Variants in PKHD1L1 observed in about 807,000 individuals in gnomAD.
The protein encoded by PKHD1L1 is fibrocystin-L.
Under a neutral mutation model 462.9 loss-of-function variants are expected in PKHD1L1, and 434 were observed. That is an observed-to-expected ratio of 0.94 (90% CI 0.87 to 1.02). PKHD1L1 has a LOEUF of 1.02. Ranked by LOEUF, PKHD1L1 falls within the 50% of genes least tolerant of loss-of-function variation. The probability of loss-of-function intolerance (pLI) is 0.00; values close to 1 mark genes in which losing one functional copy is unlikely to be tolerated. For synonymous variants in PKHD1L1, 1,781 were observed against 1,750.0 expected (o/e 1.02, Z -0.44); for missense variants, 5,202 against 5,096.1 (o/e 1.02, Z -0.63).
At position 109,443,680 on chromosome 8, in the gene PKHD1L1, A is replaced by G; in HGVS notation, c.4569A>G (p.Gly1523=). ...GRSEATYAYG[G]PENLHLGSSV... ...GGGCAGTTCTTTTGTCTAAAGGAGG[A>G]CCTGAGAATTTGCACTTGGGAAGCT... Residue 1523 remains glycine (G), a synonymous_variant, in exon 37 of 78, where the codon GGA becomes GGG. Transcript: ENST00000378402. The G allele has an allele frequency of 1.9e-6, 3 of 1,610,202 alleles. No homozygotes were observed. Among genetic ancestry groups the G allele is most frequent in the African/African-American group, 1.3e-5 (1 of 74,810 alleles).
chr8:109,413,425 G>A lies in PKHD1L1; in HGVS notation c.2240G>A (p.Cys747Tyr). The A allele has an allele frequency of 6.6e-7, 1 of 1,523,772 alleles. No individual in the cohort carries two copies. 94.4% of individuals were successfully genotyped at this position (1,523,772 alleles called of 1,614,324 possible). The part of the protein sequence containing the change: ...DILLFPYNQL[C>Y]LAYKGFLANY... ...GTTTTTCATATTTTTATGTAGTTAT[G>A]TTTAGCATACAAAGGATTCCTGGCA... The change falls in exon 21 of 78, where the codon TGT becomes TAT. Residue 747 changes from cysteine (C) to tyrosine (Y), a missense_variant. By Grantham distance (194) the Cys-to-Tyr change is radical. Coordinates refer to ENST00000378402, the MANE Select transcript of PKHD1L1 (RefSeq NM_177531.6).
chr8:109,522,774 T>C lies in PKHD1L1; in HGVS notation c.12214T>C (p.Phe4072Leu). The C allele has an allele frequency of 6.2e-7, 1 of 1,611,890 alleles. No homozygotes were observed. The highest frequency in any genetic ancestry group is 8.5e-7 in the Non-Finnish European group (1 of 1,179,438). The change falls in exon 75 of 78, where the codon TTT becomes CTT. Residue 4072 changes from phenylalanine (F) to leucine (L), a missense_variant. Coordinates refer to ENST00000378402, the MANE Select transcript of PKHD1L1 (RefSeq NM_177531.6). Reference sequence around the variant, plus strand: ...TGCCCAGCCAGTTGAAAGGTCTGCATTTCCTGTTCATCACGTGGCCTTCGT... The same window carrying C: ...TGCCCAGCCAGTTGAAAGGTCTGCACTTCCTGTTCATCACGTGGCCTTCGT... ...VTAQPVERSA[F>L]PVHHVAFVSS...
chr8:109,525,870 T>C (rs1328707316), intron 76 of PKHD1L1, among the ~76,000 whole-genome samples: 2 of 152,180 alleles, frequency 1.3e-5, no homozygotes, highest in African/African-American at 2.4e-5. Flanking sequence ...ATTGCAATTG[T>C]TCATGAAACC....
intron 55 of PKHD1L1, 63 bp downstream of exon 55, chr8:109,480,202 CAAAT>C (rs1586596714): frequency 6.9e-7 from 1 of 1,459,250 alleles, no homozygotes; most frequent in South Asian, 1.4e-5. Context: ...TGTATTTACT[CAAAT>C]AATAAGAAAG....
intron 19 of PKHD1L1, among the ~76,000 whole-genome samples, chr8:109,410,244 A>T (rs1813766894): frequency 6.6e-6 from 1 of 152,188 alleles, no homozygotes; most frequent in Non-Finnish European, 1.5e-5. Flanking sequence ...TAAGATTTGC[A>T]GTGTTTTTGT....
chr8:109,532,237 GCC>G lies in PKHD1L1; in HGVS notation c.*2148_*2149del, dbSNP rs1365076537. ...AGGAATTTCTAAAAATTGCTTCTTA[GCC>G]ACACAGACTTTGTTAAAAAGTTCCT... is the stretch of plus-strand genomic sequence containing the variant. On this transcript the variant is annotated 3_prime_UTR_variant, in exon 78 of 78. Transcript: ENST00000378402. 1.6e-5 allele frequency among the ~76,000 whole-genome samples: 1 copy of G among 61,204 alleles called. No homozygotes were observed. The highest frequency in any genetic ancestry group is 3.6e-4 in the East Asian group (1 of 2,804). The allele number at this position is 61,204 out of a possible 152,430, so 40.2% of individuals were successfully genotyped here.
chr8:109,400,584 T>C lies in PKHD1L1; in HGVS notation c.1281+240T>C, dbSNP rs144570083. Among the ~76,000 whole-genome samples, 984 of 145,342 alleles carry C rather than the reference T, an allele frequency of 6.8e-3. 7 individuals carry two copies. The highest frequency in any genetic ancestry group is 0.051 in the Middle Eastern group (15 of 292). ...TTTCATTATTCTACATTAACTTGGT[T>C]ATGAGATAAAATTCATCTCTCTATT... On this transcript the variant is annotated intron_variant, in intron 13 of 77. Coordinates refer to ENST00000378402, the MANE Select transcript of PKHD1L1 (RefSeq NM_177531.6).
chr8:109,371,670 TTAA>T (rs1811518104), intron 2 of PKHD1L1, among the ~76,000 whole-genome samples: 1 of 101,974 alleles, frequency 9.8e-6, no homozygotes, highest in Non-Finnish European at 2.1e-5. Context: ...CCATCTTGAA[TTAA>T]TTTTTGATAA....
rs71303459 is a variant in PKHD1L1, at chr8:109,410,726, C to CTTTTTTTTTTTTTTTTTTTTTTTTT, written c.2085+769_2085+770insTTTTTTTTTTTTTTTTTTTTTTTTT. Among the ~76,000 whole-genome samples, 44 of 68,390 alleles carry CTTTTTTTTTTTTTTTTTTTTTTTTT rather than the reference C, an allele frequency of 6.4e-4. 6 individuals carry two copies. The highest frequency in any genetic ancestry group is 2.9e-3 in the African/African-American group (36 of 12,266). The allele number at this position is 68,390 out of a possible 152,430, so 44.9% of individuals were successfully genotyped here. A position where few individuals can be genotyped will look rare whatever the true frequency, so the allele number is the denominator to read the frequency against. On this transcript the variant is annotated intron_variant, in intron 19 of 77. Transcript: ENST00000378402. ...TTCTTTTTTCTTTTCTTTTCTTTTT[C>CTTTTTTTTTTTTTTTTTTTTTTTTT]TTTTTTTTTTTTTTTTTTTTTGAGA...
intron 11 of PKHD1L1, among the ~76,000 whole-genome samples, 153 bp downstream of exon 11, chr8:109,396,290 G>A (rs961224347): frequency 1.3e-5 from 2 of 152,234 alleles, no homozygotes; most frequent in Admixed American, 1.3e-4. Context: ...GGGATTTGAT[G>A]CTCTTTCCAT....
At chr8:109,494,010 T>C (rs1818962571) in intron 63 of PKHD1L1, among the ~76,000 whole-genome samples, 1 of 151,882 alleles carries the variant, frequency 6.6e-6, no homozygotes, top group East Asian at 1.9e-4. Context: ...TTGGTTGGTA[T>C]TGGGACAGTA....
In PKHD1L1 at chr8:109,427,002, G is replaced by T. The variant is rs1040567224; in HGVS notation, c.2846G>T (p.Gly949Val). The T allele has an allele frequency of 4.0e-6, 6 of 1,498,068 alleles. No homozygotes were observed. The African/African-American group carries it at 6.9e-5, about 17-fold the overall frequency. 92.8% of individuals were successfully genotyped at this position (1,498,068 alleles called of 1,614,324 possible). ...DIQAYGHILKGLPAAVSAADL... is the reference protein window; with the variant it reads ...DIQAYGHILKVLPAAVSAADL... ...GTTTGCCACCCCTCTGTGAGTGCAG[G>T]CCTCCCCGCTGCTGTGTCAGCTGCA... The change falls in exon 25 of 78, where the codon GGC becomes GTC. Residue 949 changes from glycine to valine, a missense_variant and splice_region_variant. By Grantham distance (109) the Gly-to-Val change is moderately radical. This residue lies in a region of PKHD1L1 where 4,497 missense variants were observed against 4,336.8 expected (regional missense o/e 1.04). Transcript: ENST00000378402.
intron 2 of PKHD1L1, among the ~76,000 whole-genome samples, chr8:109,373,293 G>T (rs1224822193): frequency 2.0e-5 from 3 of 152,212 alleles, no homozygotes; most frequent in Non-Finnish European, 4.4e-5. Context: ...TATTTGCATA[G>T]AGGTGTTTAT....
intron 67 of PKHD1L1, 105 bp from the exon 68 acceptor site, chr8:109,504,222 T>C (rs1819577346): frequency 1.5e-6 from 1 of 663,124 alleles, no homozygotes; most frequent in Non-Finnish European, 2.3e-6. Context: ...AAGAGCTCCA[T>C]GTTTAAGGTA....
At chr8:109,457,657 G>A (rs773093889) in intron 46 of PKHD1L1, among the ~76,000 whole-genome samples, 4 of 152,084 alleles carry the variant, frequency 2.6e-5, no homozygotes, top group African/African-American at 4.8e-5. Flanking sequence ...AATTGGAATG[G>A]TATTAGTAAG....
In PKHD1L1 at chr8:109,514,792, G is replaced by A. The variant is rs887047862; in HGVS notation, c.11554-378G>A. On this transcript the variant is annotated intron_variant, in intron 71 of 77. Coordinates refer to ENST00000378402, the MANE Select transcript of PKHD1L1 (RefSeq NM_177531.6). Reference sequence around the variant, plus strand: ...CAGAGGTAATCATTTTTTTTCCAACGTTAAGTACCTAATTTTGTGTGGCTG... The same window carrying A: ...CAGAGGTAATCATTTTTTTTCCAACATTAAGTACCTAATTTTGTGTGGCTG... 2.6e-5 allele frequency among the ~76,000 whole-genome samples: 4 copies of A among 151,888 alleles called. No individual in the cohort carries two copies. In the South Asian group the frequency reaches 6.2e-4, roughly 24 times the overall value.
In PKHD1L1 at chr8:109,459,581, C is replaced by G; in HGVS notation, c.7005-14C>G. 6.8e-7 allele frequency: 1 copy of G among 1,477,792 alleles called. No individual in the cohort carries two copies. 91.5% of individuals were successfully genotyped at this position (1,477,792 alleles called of 1,614,324 possible). ...TATATTAATTTTAAAATTTTTTTGTCAAAATTTTTACAGACACAGTCAAGG... is the reference window on the plus strand; with the variant it reads ...TATATTAATTTTAAAATTTTTTTGTGAAAATTTTTACAGACACAGTCAAGG... On this transcript the variant is annotated splice_polypyrimidine_tract_variant and intron_variant, in intron 46 of 77. Coordinates refer to ENST00000378402, the MANE Select transcript of PKHD1L1 (RefSeq NM_177531.6).
chr8:109,387,024 G>A lies in PKHD1L1; in HGVS notation c.569+1394G>A, dbSNP rs142934586. ...TTTTTCACACATCTATTAATGTTTG[G>A]GCAAGAAAGTCTTGGAGCTGCATTT... is the stretch of plus-strand genomic sequence containing the variant. On this transcript the variant is annotated intron_variant, in intron 6 of 77. Transcript: ENST00000378402. Among the ~76,000 whole-genome samples the A allele has an allele frequency of 6.5e-3, 986 of 152,142 alleles. 7 individuals are homozygous for A. The highest frequency in any genetic ancestry group is 0.051 in the Middle Eastern group (15 of 294).
intron 43 of PKHD1L1, 32 bp downstream of exon 43, chr8:109,452,906 T>C: frequency 7.6e-7 from 1 of 1,315,864 alleles, no homozygotes; most frequent in Non-Finnish European, 9.9e-7. Context: ...CATTGGACTC[T>C]GCCTGATAAA....
Sources: allele counts gnomAD v4.1 joint callset (sites outside exome capture counted in the v4.1 genomes callset), GRCh38; gene constraint gnomAD v4.1.1; regional missense constraint gnomAD v4.1.1; transcripts MANE v1.5; gene names NCBI Gene and HGNC (gene_info 2026-07-23, HGNC 2026-07-21).